The following EFNA5 variants were observed in gnomAD, a reference collection of about 807,000 sequenced individuals.
EFNA5 encodes ephrin A5.
Under a neutral mutation model 22.9 loss-of-function variants are expected in EFNA5, and 5 were observed. That is an observed-to-expected ratio of 0.22 (90% CI 0.11 to 0.46). The LOEUF (loss-of-function observed/expected upper bound fraction) is 0.46. EFNA5 is among the 20% of genes least tolerant of loss of function. The pLI is 0.99. For synonymous variants in EFNA5, 113 were observed against 112.2 expected (o/e 1.01, Z -0.04); for missense variants, 237 against 293.3 (o/e 0.81, Z 1.40).
chr5:107,537,743 G>A (rs1281579028), intron 1 of EFNA5, among the ~76,000 whole-genome samples: 1 of 152,136 alleles, frequency 6.6e-6, no homozygotes. Context: ...CAGTTATTAG[G>A]TAACAGAGCC....
intron 1 of EFNA5, among the ~76,000 whole-genome samples, chr5:107,449,871 G>T (rs912479354): frequency 6.6e-6 from 1 of 152,130 alleles, no homozygotes; most frequent in Admixed American, 6.5e-5. Flanking sequence ...TTAAGTGCAG[G>T]GAAAATTTAA....
intron 1 of EFNA5, among the ~76,000 whole-genome samples, chr5:107,482,351 T>C (rs566432968): frequency 2.0e-5 from 3 of 151,940 alleles, no homozygotes. Flanking sequence ...TAGGCAAATA[T>C]ACTTATCTGT....
intron 1 of EFNA5, among the ~76,000 whole-genome samples, chr5:107,667,003 AATAGTT>A (rs2112564778): frequency 6.6e-6 from 1 of 152,240 alleles, no homozygotes; most frequent in East Asian, 1.9e-4. Context: ...ATTAAGGACA[AATAGTT>A]ATATTCTTCT....
At chr5:107,647,433 T>TCATATG (rs1233537970) in intron 1 of EFNA5, among the ~76,000 whole-genome samples, 1 of 152,154 alleles carries the variant, frequency 6.6e-6, no homozygotes, top group African/African-American at 2.4e-5. Flanking sequence ...TGAATATCTT[T>TCATATG]CAATGAAAAT....
At chr5:107,597,432 C>T (rs1316028658) in intron 1 of EFNA5, among the ~76,000 whole-genome samples, 2 of 152,118 alleles carry the variant, frequency 1.3e-5, no homozygotes, top group East Asian at 3.9e-4. Context: ...TGGCACTGAC[C>T]CATCACCACA....
At chr5:107,541,455 A>C (rs1015381832) in intron 1 of EFNA5, among the ~76,000 whole-genome samples, 4 of 152,256 alleles carry the variant, frequency 2.6e-5, no homozygotes, top group Non-Finnish European at 5.9e-5. Flanking sequence ...AGCAATAAAA[A>C]TCACCACAAA....
intron 1 of EFNA5, among the ~76,000 whole-genome samples, chr5:107,654,115 G>C (rs531206116): frequency 9.5e-4 from 145 of 152,114 alleles, no homozygotes; most frequent in African/African-American, 3.3e-3. Flanking sequence ...TATGAAGGGA[G>C]TGACTAGGAA....
At chr5:107,386,919 A>G (rs1282336549) in intron 4 of EFNA5, among the ~76,000 whole-genome samples, 2 of 152,196 alleles carry the variant, frequency 1.3e-5, no homozygotes, top group Non-Finnish European at 2.9e-5. Flanking sequence ...TAATATTCAC[A>G]GTGATTCACC....
At chr5:107,653,491 G>A (rs1052523130) in intron 1 of EFNA5, among the ~76,000 whole-genome samples, 2 of 152,114 alleles carry the variant, frequency 1.3e-5, no homozygotes, top group Non-Finnish European at 2.9e-5. Context: ...GGAACAATAG[G>A]AGGCTTTGAG....
intron 1 of EFNA5, among the ~76,000 whole-genome samples, chr5:107,549,109 T>C (rs1361758927): frequency 6.6e-6 from 1 of 152,210 alleles, no homozygotes; most frequent in Non-Finnish European, 1.5e-5. Flanking sequence ...TCATTCAAAG[T>C]ATGCCAAGAA....
intron 1 of EFNA5, among the ~76,000 whole-genome samples, chr5:107,645,581 C>T (rs1363641474): frequency 2.0e-5 from 3 of 152,116 alleles, no homozygotes; most frequent in African/African-American, 7.2e-5. Context: ...AACACCAGAA[C>T]AAATAAATAT....
intron 1 of EFNA5, among the ~76,000 whole-genome samples, chr5:107,464,089 G>C (rs772820516): frequency 6.6e-6 from 1 of 152,104 alleles, no homozygotes; most frequent in Non-Finnish European, 1.5e-5. Context: ...ACAGTGAGGG[G>C]ACAGTAGGAA....
At chr5:107,540,904 C>T (rs1035205662) in intron 1 of EFNA5, among the ~76,000 whole-genome samples, 4 of 152,022 alleles carry the variant, frequency 2.6e-5, no homozygotes, top group Non-Finnish European at 5.9e-5. Flanking sequence ...ATCAGGAGTT[C>T]GAGACCAGCC....
intron 1 of EFNA5, among the ~76,000 whole-genome samples, chr5:107,598,801 T>G (rs952793560): frequency 1.3e-5 from 2 of 152,226 alleles, no homozygotes; most frequent in South Asian, 2.1e-4. Flanking sequence ...ACATGCCGAA[T>G]GATCTAAATG....
intron 1 of EFNA5, among the ~76,000 whole-genome samples, chr5:107,636,265 T>C (rs2112540189): frequency 6.6e-6 from 1 of 152,316 alleles, no homozygotes; most frequent in Middle Eastern, 3.4e-3. Context: ...AAAAAAGTCC[T>C]TGAATCAAGA....
chr5:107,445,286 G>C (rs558937457), intron 1 of EFNA5, among the ~76,000 whole-genome samples: 105 of 152,306 alleles, frequency 6.9e-4, no homozygotes, highest in Non-Finnish European at 1.1e-3. Flanking sequence ...GCCTCCCAAA[G>C]TGCTGGGATT....
At chr5:107,580,738 AAAGAAAAG>A (rs1275716313) in intron 1 of EFNA5, among the ~76,000 whole-genome samples, 12,688 of 133,810 alleles carry the variant, frequency 0.095, 493 homozygotes, top group Non-Finnish European at 0.11. Context: ...AAAAAAAAAA[AAAGAAAAG>A]AAAAGAAAAG....
At chr5:107,568,569 A>G (rs1231448129) in intron 1 of EFNA5, among the ~76,000 whole-genome samples, 1 of 152,244 alleles carries the variant, frequency 6.6e-6, no homozygotes, top group East Asian at 1.9e-4. Flanking sequence ...GCCCCAATTT[A>G]GAGACACAAT....
At chr5:107,444,969 A>ATAT (rs967665303) in intron 1 of EFNA5, among the ~76,000 whole-genome samples, 1 of 152,188 alleles carries the variant, frequency 6.6e-6, no homozygotes, top group Admixed American at 6.5e-5. Context: ...AACTTATTTA[A>ATAT]TATTAAGTGA....
Sources: allele counts gnomAD v4.1 joint callset (sites outside exome capture counted in the v4.1 genomes callset), GRCh38; gene constraint gnomAD v4.1.1; transcripts MANE v1.5; gene names NCBI Gene and HGNC (gene_info 2026-07-23, HGNC 2026-07-21).